The following RNF13 variants were observed in gnomAD, a reference collection of about 807,000 sequenced individuals.
RNF13 encodes E3 ubiquitin-protein ligase RNF13.
In RNF13, 19 loss-of-function variants were observed where a neutral mutation model predicts 37.7. That is an observed-to-expected ratio of 0.50 (90% CI 0.35 to 0.74). The LOEUF (loss-of-function observed/expected upper bound fraction) is 0.74, where lower values mean the gene tolerates loss of function less well. RNF13 is among the 30% of genes least tolerant of loss of function. The pLI is 0.01. For missense variants in RNF13, 375 were observed against 453.0 expected (o/e 0.83, Z 1.56); for synonymous variants, 144 against 157.8 (o/e 0.91, Z 0.65).
At chr3:149,882,770 G>A (rs1327509393) in intron 4 of RNF13, among the ~76,000 whole-genome samples, 2 of 152,104 alleles carry the variant, frequency 1.3e-5, no homozygotes, top group African/African-American at 2.4e-5. Context: ...ATGAGCCATG[G>A]TAGTTGAAAA....
chr3:149,897,893 T>C (rs1715438626), intron 5 of RNF13, among the ~76,000 whole-genome samples: 1 of 152,164 alleles, frequency 6.6e-6, no homozygotes, highest in South Asian at 2.1e-4. Context: ...ATATACCAAT[T>C]TTTATTTCAG....
At chr3:149,929,746 G>T (rs1486897058) in intron 8 of RNF13, among the ~76,000 whole-genome samples, 1 of 152,082 alleles carries the variant, frequency 6.6e-6, no homozygotes, top group East Asian at 1.9e-4. Flanking sequence ...TTTTTGGCAT[G>T]TTGAAATCTA....
chr3:149,872,583 C>T (rs1245508511), intron 4 of RNF13, among the ~76,000 whole-genome samples: 1 of 152,198 alleles, frequency 6.6e-6, no homozygotes, highest in Non-Finnish European at 1.5e-5. Flanking sequence ...GGTTTACCCA[C>T]CTCCGTCACC....
chr3:149,901,727 TG>T (rs991381149), intron 5 of RNF13, among the ~76,000 whole-genome samples: 1 of 152,178 alleles, frequency 6.6e-6, no homozygotes, highest in Non-Finnish European at 1.5e-5. Context: ...AAGTTATGTG[TG>T]GGAAGAAAAC....
intron 3 of RNF13, among the ~76,000 whole-genome samples, chr3:149,867,582 CTGTT>C (rs1195754710): frequency 4.0e-5 from 6 of 151,692 alleles, no homozygotes; most frequent in African/African-American, 1.4e-4. Context: ...TCTTTTTACA[CTGTT>C]TGATGATTTG....
intron 3 of RNF13, among the ~76,000 whole-genome samples, chr3:149,869,978 G>T (rs1283411173): frequency 6.6e-6 from 1 of 151,768 alleles, no homozygotes; most frequent in Non-Finnish European, 1.5e-5. Context: ...TTCATGCCCA[G>T]TGGACCTGTG....
intron 4 of RNF13, among the ~76,000 whole-genome samples, chr3:149,881,964 C>T (rs989496909): frequency 6.6e-6 from 1 of 152,016 alleles, no homozygotes; most frequent in East Asian, 1.9e-4. Context: ...TTCTTATGCA[C>T]TTAATTTTTT....
intron 8 of RNF13, among the ~76,000 whole-genome samples, chr3:149,956,177 C>G (rs1721844768): frequency 6.6e-6 from 1 of 151,990 alleles, no homozygotes; most frequent in African/African-American, 2.4e-5. Context: ...ATTAGAATGG[C>G]ATGATGTGAT....
chr3:149,815,905 C>T (rs2108301672), intron 1 of RNF13, among the ~76,000 whole-genome samples: 1 of 151,588 alleles, frequency 6.6e-6, no homozygotes, highest in Non-Finnish European at 1.5e-5. Context: ...AAGTTGTTTC[C>T]TTTTTATTTT....
intron 8 of RNF13, among the ~76,000 whole-genome samples, chr3:149,923,764 C>CAAA (rs375634287): frequency 1.8e-5 from 1 of 54,978 alleles, no homozygotes; most frequent in African/African-American, 6.5e-5. Flanking sequence ...GACTCCATCT[C>CAAA]AAAAAAAAAA....
At chr3:149,926,432 G>A (rs1456122137) in intron 8 of RNF13, among the ~76,000 whole-genome samples, 1 of 152,030 alleles carries the variant, frequency 6.6e-6, no homozygotes, top group Admixed American at 6.6e-5. Flanking sequence ...GGATGATCTC[G>A]ATCTCCTGAC....
chr3:149,923,816 G>A lies in RNF13; in HGVS notation c.700+2589G>A, dbSNP rs566607574. Reference sequence around the variant, plus strand: ...TTAAAAAATGGTGATACTGTCCTGGGTTTAAAGGGAAAACATGTCATTGGC... The same window carrying A: ...TTAAAAAATGGTGATACTGTCCTGGATTTAAAGGGAAAACATGTCATTGGC... On this transcript the variant is annotated intron_variant, in intron 8 of 9. Transcript: ENST00000392894. Among the ~76,000 whole-genome samples, 101 of 151,910 alleles carry A rather than the reference G, an allele frequency of 6.6e-4. No homozygotes were observed. In the Middle Eastern group the frequency reaches 0.014, roughly 21 times the overall value.
intron 1 of RNF13, among the ~76,000 whole-genome samples, chr3:149,816,845 A>G (rs1013679584): frequency 6.6e-6 from 1 of 152,244 alleles, no homozygotes; most frequent in African/African-American, 2.4e-5. Context: ...CAATTTAATT[A>G]TAGTAGTTGA....
chr3:149,951,979 A>G (rs1418345587), intron 8 of RNF13, among the ~76,000 whole-genome samples: 2 of 151,968 alleles, frequency 1.3e-5, no homozygotes, highest in Non-Finnish European at 2.9e-5. Context: ...CATGGCTTTC[A>G]TTCTTCCCAT....
intron 3 of RNF13, among the ~76,000 whole-genome samples, chr3:149,869,230 A>G (rs1037627599): frequency 6.6e-6 from 1 of 151,878 alleles, no homozygotes. Context: ...ATTTTCTGAT[A>G]AATTTCTGAA....
At chr3:149,888,543 A>G (rs1714301437) in intron 4 of RNF13, among the ~76,000 whole-genome samples, 1 of 152,230 alleles carries the variant, frequency 6.6e-6, no homozygotes, top group Non-Finnish European at 1.5e-5. Flanking sequence ...TTCAAACATT[A>G]CAAATTACTC....
chr3:149,939,322 C>T, intron 8 of RNF13: 1 of 459,014 alleles, frequency 2.2e-6, no homozygotes, highest in African/African-American at 2.0e-5. Flanking sequence ...TCTTCTGCAT[C>T]AGCAGCAAGT....
chr3:149,852,233 G>A (rs1175182937), intron 2 of RNF13, among the ~76,000 whole-genome samples: 1 of 152,122 alleles, frequency 6.6e-6, no homozygotes, highest in African/African-American at 2.4e-5. Context: ...TCCTTGCTAG[G>A]AAATTGTCTA....
chr3:149,948,848 G>A (rs1265883209), intron 8 of RNF13, among the ~76,000 whole-genome samples: 1 of 152,160 alleles, frequency 6.6e-6, no homozygotes, highest in East Asian at 1.9e-4. Context: ...GCAAAATGGT[G>A]AAACCTCATC....
Sources: allele counts gnomAD v4.1 joint callset (sites outside exome capture counted in the v4.1 genomes callset), GRCh38; gene constraint gnomAD v4.1.1; transcripts MANE v1.5; gene names NCBI Gene and HGNC (gene_info 2026-07-23, HGNC 2026-07-21).